Variants in SPON1 observed in about 807,000 individuals in gnomAD.
The protein encoded by SPON1 is spondin-1.
A neutral mutation model predicts 111.7 loss-of-function variants in SPON1; 52 were observed. The observed-to-expected ratio is 0.47, with a 90% confidence interval of 0.37 to 0.59. The LOEUF is 0.59. Among genes scored for constraint, SPON1 ranks in the 20% least tolerant of loss-of-function variants. The pLI, the probability that SPON1 is intolerant of heterozygous loss-of-function variation, is 0.00. For missense variants in SPON1, 957 were observed against 1,068.5 expected, an observed-to-expected ratio of 0.90 and a Z score of 1.46; for synonymous variants, 410 against 395.8, an observed-to-expected ratio of 1.04 and a Z score of -0.43.
At chr11:14,088,582 C>T (rs1197080650) in intron 5 of SPON1, among the ~76,000 whole-genome samples, 3 of 151,850 alleles carry the variant, frequency 2.0e-5, no homozygotes, top group East Asian at 3.9e-4. Context: ...TTCATTTCAA[C>T]CTTGGTGAAT....
intron 5 of SPON1, among the ~76,000 whole-genome samples, chr11:14,107,905 G>C (rs1373060661): frequency 6.6e-6 from 1 of 152,124 alleles, no homozygotes; most frequent in Admixed American, 6.5e-5. Flanking sequence ...ATCCATCTAG[G>C]AGTGTTGAAT....
chr11:14,175,617 A>C (rs1363933431), intron 6 of SPON1, among the ~76,000 whole-genome samples: 2 of 152,178 alleles, frequency 1.3e-5, no homozygotes, highest in Non-Finnish European at 2.9e-5. Flanking sequence ...ACCCTTGCAG[A>C]GGACACCAGT....
At chr11:14,055,010 G>A (rs1554919024) in intron 3 of SPON1, among the ~76,000 whole-genome samples, 1 of 152,150 alleles carries the variant, frequency 6.6e-6, no homozygotes, top group African/African-American at 2.4e-5. Flanking sequence ...CTTCGCACCA[G>A]CTGTGATGCT....
chr11:14,118,164 G>A (rs1228734269), intron 5 of SPON1, among the ~76,000 whole-genome samples: 1 of 152,128 alleles, frequency 6.6e-6, no homozygotes, highest in African/African-American at 2.4e-5. Flanking sequence ...CTCCTGCTAA[G>A]CTTCTTTAAA....
At chr11:14,069,775 A>C (rs911181303) in intron 3 of SPON1, among the ~76,000 whole-genome samples, 6 of 151,796 alleles carry the variant, frequency 4.0e-5, no homozygotes, top group South Asian at 2.1e-4. Context: ...ATGGTAGATG[A>C]CCTCTGAATC....
intron 3 of SPON1, among the ~76,000 whole-genome samples, chr11:14,046,747 A>G (rs982435798): frequency 1.3e-5 from 2 of 152,234 alleles, no homozygotes. Flanking sequence ...GTTGTGTTTG[A>G]TAAAAAATCA....
intron 8 of SPON1, 118 bp from the exon 9 acceptor site, chr11:14,255,529 A>G: frequency 1.2e-6 from 1 of 844,056 alleles, no homozygotes; most frequent in Non-Finnish European, 1.9e-6. Flanking sequence ...AAATATAAAT[A>G]GTAGTTATGC....
In SPON1 at chr11:14,073,221, A is replaced by G. The variant is rs562890724; in HGVS notation, c.480-2124A>G. Among the ~76,000 whole-genome samples, 5 of 152,288 alleles carry G rather than the reference A, an allele frequency of 3.3e-5. 1 individual carries two copies. In the South Asian group the frequency reaches 1.0e-3, roughly 32 times the overall value. ...CACAAACATTGAGCCATCAGAAAGC[A>G]AAGGTATCACCACCACAGCCTGCCA... is the stretch of plus-strand genomic sequence containing the variant. On this transcript the variant is annotated intron_variant, in intron 3 of 15. Coordinates refer to ENST00000576479, the MANE Select transcript of SPON1 (RefSeq NM_006108.4).
rs1343457125 is a variant in SPON1, at chr11:13,996,008, T to TA, written c.345+13056dup. Among the ~76,000 whole-genome samples the TA allele has an allele frequency of 2.0e-5, 3 of 152,204 alleles. No individual in the cohort carries two copies. The East Asian group carries it at 5.8e-4, about 29-fold the overall frequency. On this transcript the variant is annotated intron_variant, in intron 2 of 15. Coordinates refer to ENST00000576479, the MANE Select transcript of SPON1 (RefSeq NM_006108.4). Reference sequence around the variant, plus strand: ...AGACAATAACCTTTGAGCTATCTCTTAGAGTCGTTGAAATTTCAACTGGAC... The same window carrying TA: ...AGACAATAACCTTTGAGCTATCTCTTAAGAGTCGTTGAAATTTCAACTGGAC...
At chr11:14,037,415 T>C (rs1000893212) in intron 2 of SPON1, among the ~76,000 whole-genome samples, 8 of 150,988 alleles carry the variant, frequency 5.3e-5, no homozygotes, top group African/African-American at 1.9e-4. Flanking sequence ...AGCCCAGAAA[T>C]AGACCCACAC....
At chr11:14,064,079 A>G (rs1445097326) in intron 3 of SPON1, among the ~76,000 whole-genome samples, 1 of 152,214 alleles carries the variant, frequency 6.6e-6, no homozygotes, top group African/African-American at 2.4e-5. Context: ...GGGGAAAGTC[A>G]GTGTATTGAA....
intron 2 of SPON1, among the ~76,000 whole-genome samples, chr11:13,994,032 A>G (rs1848252058): frequency 6.6e-6 from 1 of 152,234 alleles, no homozygotes; most frequent in Admixed American, 6.5e-5. Context: ...TTTTATATTC[A>G]TAATCACCTG....
At chr11:14,098,868 A>G (rs1849122852) in intron 5 of SPON1, among the ~76,000 whole-genome samples, 1 of 152,100 alleles carries the variant, frequency 6.6e-6, no homozygotes. Context: ...GTGGTAATCC[A>G]TTAGTATTGT....
At position 14,191,015 on chromosome 11, in the gene SPON1, T is replaced by A. The variant is rs868965089; in HGVS notation, c.826-52317T>A. Reference sequence around the variant, plus strand: ...ACTTACAATCCCATCACTTGGTATATAAAGAATAAAAAAGAGCATTGTTCT... The same window carrying A: ...ACTTACAATCCCATCACTTGGTATAAAAAGAATAAAAAAGAGCATTGTTCT... On this transcript the variant is annotated intron_variant, in intron 6 of 15. Coordinates refer to ENST00000576479, the MANE Select transcript of SPON1 (RefSeq NM_006108.4). 2.1e-3 allele frequency among the ~76,000 whole-genome samples: 316 copies of A among 152,066 alleles called. 2 individuals carry two copies. Among genetic ancestry groups the A allele is most frequent in the African/African-American group, 7.0e-3 (288 of 41,374 alleles).
At chr11:14,151,538 C>T (rs900307172) in intron 6 of SPON1, among the ~76,000 whole-genome samples, 8 of 152,104 alleles carry the variant, frequency 5.3e-5, no homozygotes, top group African/African-American at 1.9e-4. Flanking sequence ...CTGAGTGAGA[C>T]CCTGTGCTAC....
intron 2 of SPON1, among the ~76,000 whole-genome samples, chr11:14,038,241 G>A (rs184354597): frequency 1.1e-4 from 16 of 151,860 alleles, no homozygotes; most frequent in Admixed American, 6.6e-4. Flanking sequence ...CAAGGTGGGC[G>A]GACCACTTGA....
intron 15 of SPON1, among the ~76,000 whole-genome samples, chr11:14,263,482 CG>C (rs1242199100): frequency 6.6e-6 from 1 of 151,994 alleles, no homozygotes; most frequent in African/African-American, 2.4e-5. Context: ...ACAAGGCAGC[CG>C]TGGCCTGAGA....
chr11:14,002,252 A>G (rs1554912523), intron 2 of SPON1, among the ~76,000 whole-genome samples: 1 of 152,220 alleles, frequency 6.6e-6, no homozygotes. Context: ...TGAACATCAG[A>G]ATCTCCTGGA....
intron 6 of SPON1, among the ~76,000 whole-genome samples, chr11:14,223,339 G>A (rs1346434011): frequency 1.3e-5 from 2 of 152,136 alleles, no homozygotes; most frequent in Non-Finnish European, 2.9e-5. Flanking sequence ...ACTCCAGCCT[G>A]GGCGATAGAG....
Sources: gnomAD v4.1 joint callset for allele counts (sites outside exome capture counted in the v4.1 genomes callset) on GRCh38, gnomAD v4.1.1 for gene constraint, MANE v1.5 for transcripts, NCBI Gene and HGNC (gene_info 2026-07-23, HGNC 2026-07-21) for gene names.